CSMD2: variants seen among roughly 807,000 people sequenced by gnomAD.
CSMD2 encodes the protein CUB and Sushi multiple domains 2, also known as CUB and sushi domain-containing protein 2.
Under a neutral mutation model 398.5 loss-of-function variants are expected in CSMD2, and 130 were observed. The ratio of observed to expected loss-of-function variants is 0.33; its 90% CI spans 0.28 to 0.38. The LOEUF (loss-of-function observed/expected upper bound fraction) is 0.38. Among genes scored for constraint, CSMD2 ranks in the 10% least tolerant of loss-of-function variants. The pLI, the probability that CSMD2 is intolerant of heterozygous loss-of-function variation, is 1.00. For synonymous variants in CSMD2, 1,828 were observed against 1,908.5 expected (o/e 0.96, Z 1.10); for missense variants, 3,829 against 4,764.9 (o/e 0.80, Z 5.78).
chr1:33,746,745 G>T (rs1647437211), intron 13 of CSMD2, among the ~76,000 whole-genome samples: 1 of 152,164 alleles, frequency 6.6e-6, no homozygotes, highest in African/African-American at 2.4e-5. Context: ...CACATTGTAG[G>T]TGCTCAACCA....
chr1:33,736,277 C>G (rs375051216), intron 15 of CSMD2, among the ~76,000 whole-genome samples: 29 of 152,222 alleles, frequency 1.9e-4, no homozygotes, highest in African/African-American at 7.0e-4. Flanking sequence ...GTCAGGAGAT[C>G]AAGACCATCC....
intron 64 of CSMD2, among the ~76,000 whole-genome samples, chr1:33,527,724 A>G (rs997107584): frequency 6.6e-6 from 1 of 152,196 alleles, no homozygotes; most frequent in African/African-American, 2.4e-5. Flanking sequence ...TGTTGTCTAC[A>G]TTCCAAATTA....
chr1:33,954,876 G>A (rs147108879), intron 3 of CSMD2, among the ~76,000 whole-genome samples: 16 of 152,280 alleles, frequency 1.1e-4, no homozygotes, highest in African/African-American at 3.9e-4. Context: ...AAAAGGTTCT[G>A]GAGATGGATG....
intron 1 of CSMD2, among the ~76,000 whole-genome samples, chr1:34,123,901 G>C (rs1344099994): frequency 6.6e-6 from 1 of 152,194 alleles, no homozygotes; most frequent in Non-Finnish European, 1.5e-5. Context: ...GGAAGTAGTA[G>C]AGTAAGGTTG....
At position 33,524,939 on chromosome 1, in the gene CSMD2, T is replaced by G; in HGVS notation, c.10339A>C (p.Asn3447His). Residue 3447 changes from asparagine (N) to histidine (H), a missense_variant, in exon 66 of 71, where the codon AAC becomes CAC. Physicochemically the swap from Asn to His is moderately conservative, Grantham distance 68. Around this residue, in one of 5 missense-constraint regions of CSMD2, gnomAD observed 917 missense variants for 1,199.5 expected, o/e 0.76. Transcript: ENST00000373381. ...MLRVTGFQVA[N>H]SKVNATMIDH... Reference sequence around the variant, plus strand: ...ATCATGGTGGCATTGACCTTGCTGTTGGCAACTTGGAAGCCAGTCACTCTG... The same window carrying G: ...ATCATGGTGGCATTGACCTTGCTGTGGGCAACTTGGAAGCCAGTCACTCTG... The G allele has an allele frequency of 6.2e-7, 1 of 1,614,234 alleles. No individual in the cohort carries two copies. Among genetic ancestry groups the G allele is most frequent in the Non-Finnish European group, 8.5e-7 (1 of 1,180,038 alleles).
rs762331358 is a variant in CSMD2 at position 33,577,388 on chromosome 1, G to T, written c.7484C>A (p.Ala2495Asp). Residue 2495 changes from alanine to aspartate, a missense_variant, in exon 49 of 71, where the codon GCC (alanine) becomes GAC (aspartate). Physicochemically the swap from Ala to Asp is moderately radical, Grantham distance 126. This residue lies in a region of CSMD2 where 723 missense variants were observed against 758.6 expected (regional missense o/e 0.95). Transcript: ENST00000373381. ...PGGSIHFGCN[A>D]GYRLVGHSMA... The stretch of plus-strand genomic sequence containing the variant: ...GCTGTGTCCCACCAGGCGGTAGCCG[G>T]CGTTGCAGCCAAAGTGGATGGAGCC... 2.5e-6 allele frequency: 4 copies of T among 1,614,074 alleles called. No individual in the cohort carries two copies. The highest frequency in any genetic ancestry group is 3.4e-6 in the Non-Finnish European group (4 of 1,180,038).
At chr1:33,532,446 G>A (rs1323559242) in intron 64 of CSMD2, among the ~76,000 whole-genome samples, 3 of 152,102 alleles carry the variant, frequency 2.0e-5, no homozygotes, top group African/African-American at 4.8e-5. Flanking sequence ...CCTTCTCCAG[G>A]AAGTCCTCCC....
intron 2 of CSMD2, among the ~76,000 whole-genome samples, chr1:34,050,277 TTTTG>T (rs1466749743): frequency 2.0e-5 from 3 of 152,322 alleles, no homozygotes; most frequent in Non-Finnish European, 4.4e-5. Flanking sequence ...AGGAGAAGTG[TTTTG>T]TTCTTACTGA....
intron 12 of CSMD2, among the ~76,000 whole-genome samples, chr1:33,780,917 A>G (rs11803887): frequency 0.017 from 2,655 of 152,348 alleles, 88 homozygotes; most frequent in African/African-American, 0.061. Flanking sequence ...GGTGTACTGA[A>G]AATAACAGAA....
At chr1:33,568,259 C>A (rs1659253605) in intron 52 of CSMD2, among the ~76,000 whole-genome samples, 1 of 147,584 alleles carries the variant, frequency 6.8e-6, no homozygotes, top group Non-Finnish European at 1.5e-5. Flanking sequence ...ACGATCTTGG[C>A]TCACTGCAAT....
In CSMD2 at chr1:33,700,648, G is replaced by C; in HGVS notation, c.3602C>G (p.Ala1201Gly). Residue 1201 changes from alanine to glycine, a missense_variant, in exon 23 of 71, where the codon GCC (alanine) becomes GGC (glycine). By Grantham distance (60) the Ala-to-Gly change is moderately conservative. Transcript: ENST00000373381. ...ATGGCTAAAAACTCCCAGCAAACGG[G>C]CGGAGTTGTTGTTGCCATCATAAAC... The part of the protein sequence containing the change: ...LKVYDGNNNS[A>G]RLLGVFSHSE... 1 of 1,614,118 alleles carries C rather than the reference G, an allele frequency of 6.2e-7. No individual in the cohort carries two copies. Among genetic ancestry groups the C allele is most frequent in the Non-Finnish European group, 8.5e-7 (1 of 1,180,012 alleles).
chr1:34,142,908 T>G (rs1639436533), intron 1 of CSMD2, among the ~76,000 whole-genome samples: 1 of 152,296 alleles, frequency 6.6e-6, no homozygotes, highest in South Asian at 2.1e-4. Context: ...GGTTTGTGAT[T>G]TGTGCCACTG....
chr1:33,933,379 C>T (rs987625715), intron 4 of CSMD2, among the ~76,000 whole-genome samples: 1 of 152,150 alleles, frequency 6.6e-6, no homozygotes, highest in African/African-American at 2.4e-5. Flanking sequence ...GAGTATTTTA[C>T]TTCCCCAAGC....
At chr1:33,973,207 T>C (rs1195509036) in intron 3 of CSMD2, among the ~76,000 whole-genome samples, 1 of 152,182 alleles carries the variant, frequency 6.6e-6, no homozygotes, top group Non-Finnish European at 1.5e-5. Flanking sequence ...GCTGGGCCTA[T>C]TGCCCAGCAC....
chr1:34,156,301 C>T (rs1016962197), intron 1 of CSMD2, among the ~76,000 whole-genome samples: 19 of 152,172 alleles, frequency 1.2e-4, no homozygotes, highest in African/African-American at 4.3e-4. Flanking sequence ...CAGATTGAGG[C>T]TGGGGTAGGG....
Position 33,546,203 on chromosome 1 carries a change from A to T in CSMD2, c.8934T>A (p.Val2978=), listed in dbSNP as rs1220057039. Residue 2978 remains valine, a synonymous_variant, in exon 57 of 71, where the codon GTT becomes GTA. Coordinates refer to ENST00000373381, the MANE Select transcript of CSMD2 (RefSeq NM_001281956.2). ...LPHCSGTSVG[V]CGDPGIPAHG... ...GAGCCGGGATCCCAGGGTCACCGCA[A>T]ACTCCCACGCTGGTTCCTATGGACC... 6.2e-7 allele frequency: 1 copy of T among 1,613,836 alleles called. No homozygotes were observed. The highest frequency in any genetic ancestry group is 1.7e-5 in the Admixed American group (1 of 59,988).
In CSMD2 at chr1:33,989,860, ACCG is replaced by A. The variant is rs1646489704; in HGVS notation, c.517+42731_517+42733del. On this transcript the variant is annotated intron_variant, in intron 3 of 70. Transcript: ENST00000373381. ...AGGGATGGGAGGAGAATGACTAAGA[ACCG>A]GCACAAAGAAACTTTTGGGGGCGAT... 2.0e-5 allele frequency among the ~76,000 whole-genome samples: 3 copies of A among 152,222 alleles called. No individual in the cohort carries two copies. The South Asian group carries it at 6.2e-4, about 32-fold the overall frequency.
intron 5 of CSMD2, chr1:33,862,508 C>T (rs996894735): frequency 7.2e-5 from 11 of 152,068 alleles, no homozygotes; most frequent in African/African-American, 2.4e-4. Context: ...GGCAGCCCTG[C>T]TCATGTCCAA....
At chr1:33,962,340 A>G (rs1471848504) in intron 3 of CSMD2, among the ~76,000 whole-genome samples, 1 of 152,032 alleles carries the variant, frequency 6.6e-6, no homozygotes, top group African/African-American at 2.4e-5. Context: ...CTTACCCAAA[A>G]GAGTTGGGGG....
Sources: gnomAD v4.1 joint callset for allele counts (sites outside exome capture counted in the v4.1 genomes callset) on GRCh38, gnomAD v4.1.1 for gene constraint, gnomAD v4.1.1 regional missense constraint, MANE v1.5 for transcripts, NCBI Gene and HGNC (gene_info 2026-07-23, HGNC 2026-07-21) for gene names.